The following EML1 variants were observed in gnomAD, a reference collection of about 807,000 sequenced individuals.
The protein encoded by EML1 is echinoderm microtubule-associated protein-like 1.
A neutral mutation model predicts 110.4 loss-of-function variants in EML1; 27 were observed. That is an observed-to-expected ratio of 0.24 (90% CI 0.18 to 0.34). EML1 has a LOEUF of 0.34. Ranked by LOEUF, EML1 falls within the 10% of genes least tolerant of loss-of-function variation. EML1 has a pLI of 1.00. For synonymous variants in EML1, 344 were observed against 385.8 expected (o/e 0.89, Z 1.27); for missense variants, 741 against 1,030.9 (o/e 0.72, Z 3.85).
At chr14:99,746,650 G>A (rs1011498031) in intron 1 of EML1, among the ~76,000 whole-genome samples, 9 of 152,068 alleles carry the variant, frequency 5.9e-5, no homozygotes, top group Non-Finnish European at 1.3e-4. Flanking sequence ...CTGGTGCCCC[G>A]GCTCTACCCC....
intron 2 of EML1, among the ~76,000 whole-genome samples, chr14:99,864,863 C>T (rs2139881275): frequency 6.6e-6 from 1 of 151,112 alleles, no homozygotes; most frequent in South Asian, 2.1e-4. Context: ...GCCTTCATAC[C>T]TTTGTCAGTG....
At chr14:99,746,884 G>T (rs537915985) in intron 1 of EML1, among the ~76,000 whole-genome samples, 2 of 152,278 alleles carry the variant, frequency 1.3e-5, no homozygotes, top group African/African-American at 4.8e-5. Flanking sequence ...AGCCCAAGTG[G>T]CCGGGTGCTC....
At chr14:99,937,049 C>G (rs774834209) in intron 19 of EML1, among the ~76,000 whole-genome samples, 5 of 152,168 alleles carry the variant, frequency 3.3e-5, no homozygotes, top group Non-Finnish European at 5.9e-5. Flanking sequence ...CTGGCTTGGC[C>G]GCATGATGCA....
At chr14:99,809,489 A>G (rs1325269405) in intron 1 of EML1, 1 of 361,822 alleles carries the variant, frequency 2.8e-6, no homozygotes, top group East Asian at 7.4e-5. Flanking sequence ...CATGCCCAGA[A>G]GCTGTGTCCA....
intron 1 of EML1, among the ~76,000 whole-genome samples, chr14:99,748,895 A>G (rs2057143559): frequency 6.6e-6 from 1 of 152,182 alleles, no homozygotes; most frequent in Admixed American, 6.5e-5. Context: ...CATTTTTCAT[A>G]TGAGTGGAAT....
chr14:99,805,039 T>TACCCCTTCTTCACCGTCCCTC (rs2057946561), intron 1 of EML1, among the ~76,000 whole-genome samples: 1 of 151,920 alleles, frequency 6.6e-6, no homozygotes, highest in African/African-American at 2.4e-5. Context: ...CAGCGTCCCT[T>TACCCCTTCTTCACCGTCCCTC]CCTACCCCTT....
chr14:99,901,067 G>C, intron 9 of EML1, 28 bp downstream of exon 9: 3 of 1,577,346 alleles, frequency 1.9e-6, no homozygotes, highest in Admixed American at 1.7e-5. Flanking sequence ...GGATATTGCT[G>C]TCTTCTTCCA....
At chr14:99,920,546 C>T (rs1021534771) in intron 16 of EML1, among the ~76,000 whole-genome samples, 4 of 152,174 alleles carry the variant, frequency 2.6e-5, no homozygotes, top group African/African-American at 9.7e-5. Context: ...ACAGAGAAAC[C>T]ATGTCATAGT....
At chr14:99,739,512 C>T (rs1318979035) in intron 1 of EML1, among the ~76,000 whole-genome samples, 1 of 152,204 alleles carries the variant, frequency 6.6e-6, no homozygotes, top group Non-Finnish European at 1.5e-5. Context: ...CCTTCCCCAT[C>T]TAGGAGAGGG....
At chr14:99,930,981 T>C (rs959258986) in intron 17 of EML1, among the ~76,000 whole-genome samples, 3 of 152,216 alleles carry the variant, frequency 2.0e-5, no homozygotes, top group African/African-American at 7.2e-5. Flanking sequence ...CTGCTTTTAC[T>C]AGAATGAATC....
At position 99,827,141 on chromosome 14, in the gene EML1, C is replaced by T. The variant is rs1202214443; in HGVS notation, c.68-23712C>T. ...ACCACCTGAAGACATGGGGAGAAGACAGCCAGTGAGAGAGGCCTCAGAAGA... is the reference window on the plus strand; with the variant it reads ...ACCACCTGAAGACATGGGGAGAAGATAGCCAGTGAGAGAGGCCTCAGAAGA... On this transcript the variant is annotated intron_variant, in intron 1 of 21. Coordinates refer to ENST00000262233, the MANE Select transcript of EML1 (RefSeq NM_004434.3). This position sits in a 1 kb window ranked among gnomAD's most constrained non-coding sequence, Gnocchi z 4.4. Among the ~76,000 whole-genome samples, 2 of 152,044 alleles carry T rather than the reference C, an allele frequency of 1.3e-5. No individual in the cohort carries two copies. Among genetic ancestry groups the T allele is most frequent in the African/African-American group, 4.8e-5 (2 of 41,390 alleles).
Position 99,917,856 on chromosome 14 carries a change from C to G in EML1, c.1820+7C>G, listed in dbSNP as rs369626148. 1.3e-5 allele frequency: 21 copies of G among 1,613,940 alleles called. No individual in the cohort carries two copies. Among genetic ancestry groups the G allele is most frequent in the Non-Finnish European group, 1.7e-5 (20 of 1,179,930 alleles). On this transcript the variant is annotated splice_region_variant and intron_variant, in intron 16 of 21. Transcript: ENST00000262233. ...TCGGAACACTCACTGGGAGGTAAGT[C>G]CATGCCAACAGCGCTTGTGCTTGCA...
intron 8 of EML1, among the ~76,000 whole-genome samples, chr14:99,900,120 T>C (rs953875734): frequency 4.0e-5 from 6 of 151,596 alleles, no homozygotes; most frequent in African/African-American, 1.5e-4. Flanking sequence ...AAACCAATTA[T>C]AACAATTCTA....
Position 99,850,995 on chromosome 14 carries a change from G to A in EML1, c.210G>A (p.Glu70=), listed in dbSNP as rs1418059235. The change falls in exon 2 of 22, where the codon GAG becomes GAA. Residue 70 remains glutamate, a synonymous_variant. Coordinates refer to ENST00000262233, the MANE Select transcript of EML1 (RefSeq NM_004434.3). ...TGGTTCGGCGGCTGAACATTACTGA[G>A]GAACAGCAGGCCGTGCTTAACAGGA... The part of the protein sequence containing the change: ...ADVVRRLNIT[E]EQQAVLNRKG... 1 of 1,614,006 alleles carries A rather than the reference G, an allele frequency of 6.2e-7. No homozygotes were observed. The highest frequency in any genetic ancestry group is 1.1e-5 in the South Asian group (1 of 91,076).
At position 99,940,023 on chromosome 14, in the gene EML1, G is replaced by A. The variant is rs979958705; in HGVS notation, c.2359G>A (p.Val787Ile). 6 of 1,597,548 alleles carry A rather than the reference G, an allele frequency of 3.8e-6. No homozygotes were observed. In the Admixed American group the frequency reaches 8.7e-5, roughly 23 times the overall value. The change falls in exon 22 of 22, where the codon GTC (valine) becomes ATC (isoleucine). Residue 787 changes from valine to isoleucine, a missense_variant. By Grantham distance (29) the Val-to-Ile change is conservative. Transcript: ENST00000262233. ...CATCTACGGCGGGCACAGCAGCCATGTCACCAATGTCGATTTCCTCTGTGA... is the reference window on the plus strand; with the variant it reads ...CATCTACGGCGGGCACAGCAGCCATATCACCAATGTCGATTTCCTCTGTGA... ...SHIYGGHSSH[V>I]TNVDFLCEDS...
upstream of EML1, among the ~76,000 whole-genome samples, chr14:99,792,067 C>G (rs530605186): frequency 6.6e-6 from 1 of 152,328 alleles, no homozygotes; most frequent in African/African-American, 2.4e-5. Flanking sequence ...ACTTCTCCCT[C>G]TGCCCACAGC....
intron 3 of EML1, among the ~76,000 whole-genome samples, chr14:99,870,004 T>G (rs61534993): frequency 6.6e-6 from 1 of 152,062 alleles, no homozygotes; most frequent in African/African-American, 2.4e-5. Flanking sequence ...TACCCAGCCT[T>G]GGGCATTCCT....
chr14:99,746,922 G>A (rs2057115783), intron 1 of EML1, among the ~76,000 whole-genome samples: 3 of 152,102 alleles, frequency 2.0e-5, no homozygotes, highest in Admixed American at 2.0e-4. Context: ...GCCGCGCCCT[G>A]CCCTGGGCGG....
At chr14:99,929,088 C>T (rs2060320182) in intron 17 of EML1, among the ~76,000 whole-genome samples, 1 of 152,208 alleles carries the variant, frequency 6.6e-6, no homozygotes, top group Non-Finnish European at 1.5e-5. Flanking sequence ...CATTGGGAAA[C>T]ATGTTTCTAT....
Sources: gnomAD v4.1 joint callset for allele counts (sites outside exome capture counted in the v4.1 genomes callset) on GRCh38, gnomAD v4.1.1 for gene constraint, Gnocchi (gnomAD v3.1) non-coding constraint, MANE v1.5 for transcripts, NCBI Gene and HGNC (gene_info 2026-07-23, HGNC 2026-07-21) for gene names.